CSF1R: variants seen among roughly 807,000 people sequenced by gnomAD.
CSF1R encodes colony stimulating factor 1 receptor.
CSF1R carries 40 observed loss-of-function variants against 110.0 expected under a neutral mutation model. That is an observed-to-expected ratio of 0.36 (90% CI 0.28 to 0.47). The LOEUF (loss-of-function observed/expected upper bound fraction) is 0.47. Ranked by LOEUF, CSF1R falls within the 20% of genes least tolerant of loss-of-function variation. The pLI, the probability that CSF1R is intolerant of heterozygous loss-of-function variation, is 0.99. For missense variants in CSF1R, 1,052 were observed against 1,253.0 expected (o/e 0.84, Z 2.42); for synonymous variants, 523 against 503.4 (o/e 1.04, Z -0.52).
At chr5:150,069,738 T>G in intron 9 of CSF1R, 135 bp downstream of exon 9, 6 of 760,660 alleles carry the variant, frequency 7.9e-6, no homozygotes, top group African/African-American at 1.8e-5. Flanking sequence ...AGGTGGACCT[T>G]GGTACTGCTA....
chr5:150,073,058 G>C (rs1758094965), intron 6 of CSF1R, among the ~76,000 whole-genome samples: 1 of 152,176 alleles, frequency 6.6e-6, no homozygotes, highest in African/African-American at 2.4e-5. Context: ...TAGAATCCTT[G>C]GGTGGGGCAT....
At chr5:150,100,601 C>T (rs1456227936) in intron 1 of CSF1R, among the ~76,000 whole-genome samples, 1 of 152,086 alleles carries the variant, frequency 6.6e-6, no homozygotes, top group Non-Finnish European at 1.5e-5. Flanking sequence ...TTTGGAGCAA[C>T]AGGAAATCTC....
At chr5:150,102,728 C>A (rs1221439449) in intron 1 of CSF1R, among the ~76,000 whole-genome samples, 3 of 152,244 alleles carry the variant, frequency 2.0e-5, no homozygotes, top group Admixed American at 1.3e-4. Context: ...GATCTGCATG[C>A]CTTGGTCTCC....
chr5:150,054,591 A>T, intron 19 of CSF1R, 161 bp from the exon 20 acceptor site: 1 of 598,688 alleles, frequency 1.7e-6, no homozygotes, highest in Non-Finnish European at 2.9e-6. Flanking sequence ...TTACCATTTA[A>T]TCCTCACAGT....
chr5:150,055,184 T>C (rs1757147662), intron 19 of CSF1R, 53 bp downstream of exon 19: 1 of 1,526,432 alleles, frequency 6.6e-7, no homozygotes, highest in East Asian at 2.3e-5. Context: ...TTCCATCCCT[T>C]TCCAGCGAAA....
At position 150,077,318 on chromosome 5, in the gene CSF1R, C is replaced by T. The variant is rs375148574; in HGVS notation, c.847G>A (p.Val283Met). ...AGNYSCVASN[V>M]QGKHSTSMFF... is the part of the protein sequence containing the mutation. Reference sequence around the variant, plus strand: ...ATGGAGGTGGAGTGCTTGCCCTGCACGTTGCTGGCCACGCAGGAGTAGTTG... The same window carrying T: ...ATGGAGGTGGAGTGCTTGCCCTGCATGTTGCTGGCCACGCAGGAGTAGTTG... The change falls in exon 5 of 21, where the codon GTG becomes ATG. Residue 283 changes from valine (V) to methionine (M), a missense_variant. Physicochemically the swap from Val to Met is conservative, Grantham distance 21. Coordinates refer to ENST00000675795, the MANE Select transcript of CSF1R (RefSeq NM_001288705.3). 2.2e-5 allele frequency: 35 copies of T among 1,614,100 alleles called. No homozygotes were observed. The highest frequency in any genetic ancestry group is 2.5e-5 in the Non-Finnish European group (30 of 1,180,048).
At position 150,056,068 on chromosome 5, in the gene CSF1R, C is replaced by T. The variant is rs690016557; in HGVS notation, c.2512G>A (p.Val838Ile). The T allele has an allele frequency of 1.9e-6, 3 of 1,614,100 alleles. No homozygotes were observed. The highest frequency in any genetic ancestry group is 2.5e-6 in the Non-Finnish European group (3 of 1,180,058). Residue 838 changes from valine (V) to isoleucine (I), a missense_variant, in exon 18 of 21, where the codon GTC becomes ATC. This residue lies in a region of CSF1R where 74 missense variants were observed against 187.4 expected (regional missense o/e 0.39). Coordinates refer to ENST00000675795, the MANE Select transcript of CSF1R (RefSeq NM_001288705.3). ...CAGAGGAGGATGCCATAGGACCAGA[C>T]GTCGCTCTGAACCGTGTAGACACAG... ...FDCVYTVQSD[V>I]WSYGILLWEI...
At chr5:150,071,252 C>A (rs1172463100) in intron 6 of CSF1R, among the ~76,000 whole-genome samples, 2 of 152,190 alleles carry the variant, frequency 1.3e-5, no homozygotes, top group African/African-American at 4.8e-5. Flanking sequence ...CAATAAAAAT[C>A]ATCTTTGGCT....
In CSF1R at chr5:150,077,401, T is replaced by A. The variant is rs146406037; in HGVS notation, c.764A>T (p.Asn255Ile). 1.2e-3 allele frequency: 1,980 copies of A among 1,613,700 alleles called. 1 individual carries two copies. Among genetic ancestry groups the A allele is most frequent in the Non-Finnish European group, 1.5e-3 (1,760 of 1,179,678 alleles). ...AIPQQSDFHNNRYQKVLTLNL... is the reference protein window; with the variant it reads ...AIPQQSDFHNIRYQKVLTLNL... ...GAGGGTCAGGACTTTTTGGTAACGG[T>A]TATTATGAAAGTCAGATTGTTGAGG... The change falls in exon 5 of 21, where the codon AAC becomes ATC. Residue 255 changes from asparagine (N) to isoleucine (I), a missense_variant. Asn to Ile is a moderately radical substitution (Grantham distance 149). This residue lies in a region of CSF1R where 693 missense variants were observed against 735.4 expected (regional missense o/e 0.94). Coordinates refer to ENST00000675795, the MANE Select transcript of CSF1R (RefSeq NM_001288705.3).
At chr5:150,092,251 C>G (rs1459973240) in intron 1 of CSF1R, among the ~76,000 whole-genome samples, 2 of 152,190 alleles carry the variant, frequency 1.3e-5, no homozygotes, top group Admixed American at 6.5e-5. Flanking sequence ...TTGCCAATCT[C>G]TGATTTAAAG....
chr5:150,088,373 A>G (rs182478316), upstream of CSF1R, among the ~76,000 whole-genome samples: 33 of 152,332 alleles, frequency 2.2e-4, no homozygotes, highest in Admixed American at 1.5e-3. Flanking sequence ...AATTAATACC[A>G]ATCCTTTTCA....
chr5:150,103,618 G>C (rs971871400), intron 1 of CSF1R, among the ~76,000 whole-genome samples: 1 of 152,206 alleles, frequency 6.6e-6, no homozygotes, highest in African/African-American at 2.4e-5. Flanking sequence ...CAATCAGATG[G>C]CGCTGGGGAA....
At position 150,070,478 on chromosome 5, in the gene CSF1R, C is replaced by A. The variant is rs2113809960; in HGVS notation, c.1176G>T (p.Leu392=). The change falls in exon 7 of 21, where the codon CTG becomes CTT. Residue 392 remains leucine, a synonymous_variant. Transcript: ENST00000675795. ...LARNPGGWRA[L]TFELTLRYPP... ...CACATCGAAGGGTGAGCTCAAACGT[C>A]AGAGCTCTCCAGCCTCCTGGGTTTC... 6.4e-7 allele frequency: 1 copy of A among 1,558,274 alleles called. No homozygotes were observed. The highest frequency in any genetic ancestry group is 8.7e-7 in the Non-Finnish European group (1 of 1,151,768).
intron 1 of CSF1R, among the ~76,000 whole-genome samples, chr5:150,100,290 C>CTTTGTTT (rs1759364428): frequency 1.1e-5 from 1 of 89,348 alleles, no homozygotes; most frequent in Non-Finnish European, 2.1e-5. Flanking sequence ...ATTGGCTAAC[C>CTTTGTTT]TTTTTTTTTT....
chr5:150,086,447 C>T lies in CSF1R; in HGVS notation c.-20G>A, dbSNP rs1290904859. On this transcript the variant is annotated 5_prime_UTR_variant, in exon 1 of 21. Coordinates refer to ENST00000675795, the MANE Select transcript of CSF1R (RefSeq NM_001288705.3). ...GCCCATGGCCTCGGTGGGGAAGTGG[C>T]AGGCAGGTGCAGGGCTGCAAGGTGC... 1 of 1,602,630 alleles carries T rather than the reference C, an allele frequency of 6.2e-7. No homozygotes were observed. The highest frequency in any genetic ancestry group is 1.1e-5 in the South Asian group (1 of 88,352).
chr5:150,094,740 C>G, intron 1 of CSF1R: 1 of 1,603,488 alleles, frequency 6.2e-7, no homozygotes, highest in East Asian at 2.2e-5. Flanking sequence ...GTACCCCAAT[C>G]TGAAGTCAGT....
chr5:150,058,061 G>A, intron 14 of CSF1R: 1 of 371,600 alleles, frequency 2.7e-6, no homozygotes, highest in South Asian at 2.0e-5. Context: ...GAAACTCTAG[G>A]GACAAAACAG....
intron 10 of CSF1R, among the ~76,000 whole-genome samples, chr5:150,066,454 C>A (rs1358092202): frequency 6.6e-6 from 1 of 152,194 alleles, no homozygotes; most frequent in Admixed American, 6.5e-5. Flanking sequence ...GGGCTCTTGG[C>A]ATGTCAGAGG....
intron 18 of CSF1R, among the ~76,000 whole-genome samples, 180 bp downstream of exon 18, chr5:150,055,845 CA>C: frequency 6.6e-6 from 1 of 152,358 alleles, no homozygotes; most frequent in African/African-American, 2.4e-5. Flanking sequence ...GAGCGCCTGT[CA>C]GGGGCAGAGG....
Sources: gnomAD v4.1 joint callset for allele counts (sites outside exome capture counted in the v4.1 genomes callset) on GRCh38, gnomAD v4.1.1 for gene constraint, gnomAD v4.1.1 regional missense constraint, MANE v1.5 for transcripts, NCBI Gene and HGNC (gene_info 2026-07-23, HGNC 2026-07-21) for gene names.